Variants in PPP6C observed in about 807,000 individuals in gnomAD.
The protein encoded by PPP6C is serine/threonine-protein phosphatase 6 catalytic subunit.
A neutral mutation model predicts 39.8 loss-of-function variants in PPP6C; 11 were observed. The ratio of observed to expected loss-of-function variants is 0.28; its 90% CI spans 0.17 to 0.46. The LOEUF (loss-of-function observed/expected upper bound fraction) is 0.46, where lower values mean the gene tolerates loss of function less well. PPP6C is among the 20% of genes least tolerant of loss of function. The probability of loss-of-function intolerance (pLI) is 1.00; values close to 1 mark genes in which losing one functional copy is unlikely to be tolerated. For missense variants in PPP6C, 211 were observed against 373.9 expected, an observed-to-expected ratio of 0.56 and a Z score of 3.59; for synonymous variants, 129 against 130.3, an observed-to-expected ratio of 0.99 and a Z score of 0.07.
At position 125,175,942 on chromosome 9, in the gene PPP6C, A is replaced by C. The variant is rs149887458; in HGVS notation, c.76-4762T>G. Among the ~76,000 whole-genome samples the C allele has an allele frequency of 2.3e-3, 345 of 152,302 alleles. 1 individual carries two copies. Among genetic ancestry groups the C allele is most frequent in the African/African-American group, 6.9e-3 (286 of 41,572 alleles). On this transcript the variant is annotated intron_variant, in intron 1 of 6. Transcript: ENST00000373547. ...CAGACAATAAATAAGTAAAATATAT[A>C]ACAGTAATTTGTCACATAGTAATAT...
chr9:125,171,180 G>T lies in PPP6C; in HGVS notation c.76C>A (p.Arg26=), dbSNP rs551727025. The T allele has an allele frequency of 1.9e-6, 3 of 1,554,674 alleles. No individual in the cohort carries two copies. Among genetic ancestry groups the T allele is most frequent in the East Asian group, 2.3e-5 (1 of 43,946 alleles). ...CKYLPENDLK[R]LCDYVCDLLL... is the part of the protein sequence containing the mutation. ...AGGTCACAAACGTAGTCACATAGCC[G>T]CTATAAAAAGAGAAAATAAAAGGTA... The change falls in exon 2 of 7, where the codon CGG becomes AGG. Residue 26 remains arginine (R), a splice_region_variant and synonymous_variant. Coordinates refer to ENST00000373547, the MANE Select transcript of PPP6C (RefSeq NM_002721.5).
chr9:125,185,441 C>T (rs1032359881), intron 1 of PPP6C, among the ~76,000 whole-genome samples: 1 of 152,024 alleles, frequency 6.6e-6, no homozygotes, highest in Non-Finnish European at 1.5e-5. Flanking sequence ...CGCCTGTAAT[C>T]CCAGCACTTT....
At chr9:125,166,858 A>G (rs1350502519) in intron 2 of PPP6C, among the ~76,000 whole-genome samples, 2 of 151,906 alleles carry the variant, frequency 1.3e-5, no homozygotes, top group Non-Finnish European at 2.9e-5. Flanking sequence ...TTCAGCATGC[A>G]GTAGATATGC....
intron 6 of PPP6C, chr9:125,150,509 G>A (rs965063774): frequency 4.7e-6 from 2 of 422,630 alleles, no homozygotes; most frequent in Non-Finnish European, 9.2e-6. Flanking sequence ...ACAGTTGAAA[G>A]TTCAAAGTAC....
intron 2 of PPP6C, among the ~76,000 whole-genome samples, chr9:125,166,876 A>G (rs1829025960): frequency 6.6e-6 from 1 of 151,740 alleles, no homozygotes; most frequent in South Asian, 2.1e-4. Flanking sequence ...TGCTTTATGC[A>G]TACTTCCCAT....
At chr9:125,154,261 T>G (rs1441368051) in intron 4 of PPP6C, among the ~76,000 whole-genome samples, 5 of 152,354 alleles carry the variant, frequency 3.3e-5, no homozygotes, top group African/African-American at 1.2e-4. Flanking sequence ...TCGGATGTCC[T>G]TACATAAACC....
chr9:125,172,194 A>G (rs979243093), intron 1 of PPP6C, among the ~76,000 whole-genome samples: 3 of 152,178 alleles, frequency 2.0e-5, no homozygotes, highest in Non-Finnish European at 2.9e-5. Flanking sequence ...TATATACTGT[A>G]TAATTCCATT....
chr9:125,157,643 A>G (rs1317833104), intron 4 of PPP6C, among the ~76,000 whole-genome samples: 3 of 151,154 alleles, frequency 2.0e-5, no homozygotes, highest in Non-Finnish European at 4.4e-5. Context: ...CCACTCCAAA[A>G]TATTTTGATT....
intron 1 of PPP6C, chr9:125,188,838 G>GA (rs1363871140): frequency 3.0e-6 from 2 of 661,584 alleles, no homozygotes; most frequent in Non-Finnish European, 4.4e-6. Flanking sequence ...TTTTAAAAAA[G>GA]AAAAGCAGTA....
chr9:125,177,510 A>G (rs1829327767), intron 1 of PPP6C, among the ~76,000 whole-genome samples: 1 of 152,176 alleles, frequency 6.6e-6, no homozygotes, highest in African/African-American at 2.4e-5. Context: ...CGCCCTCAGC[A>G]ATATAGAGAG....
At chr9:125,165,778 A>G (rs991268002) in intron 2 of PPP6C, among the ~76,000 whole-genome samples, 12 of 149,398 alleles carry the variant, frequency 8.0e-5, no homozygotes, top group African/African-American at 3.0e-4. Context: ...ATCTGAAACC[A>G]TAACAGTAAT....
intron 1 of PPP6C, among the ~76,000 whole-genome samples, chr9:125,173,228 T>C (rs1024785019): frequency 1.3e-5 from 2 of 151,822 alleles, no homozygotes; most frequent in African/African-American, 4.8e-5. Context: ...CTGGCCAACG[T>C]AGTGAAACCC....
In PPP6C at chr9:125,189,579, G is replaced by A. The variant is rs369770607; in HGVS notation, c.75+65C>T. 2.9e-5 allele frequency: 47 copies of A among 1,607,084 alleles called. No homozygotes were observed. Among genetic ancestry groups the A allele is most frequent in the East Asian group, 2.0e-4 (9 of 44,676 alleles). On this transcript the variant is annotated intron_variant, in intron 1 of 6. Coordinates refer to ENST00000373547, the MANE Select transcript of PPP6C (RefSeq NM_002721.5). ...CTGGATACCCGGCGGGGGTCCTGGA[G>A]AAAGGAAGGGCCGGCCGGCGGGCGC...
At chr9:125,167,960 T>G (rs905645094) in intron 2 of PPP6C, among the ~76,000 whole-genome samples, 4 of 151,976 alleles carry the variant, frequency 2.6e-5, no homozygotes, top group African/African-American at 9.7e-5. Context: ...CAGCCAGACT[T>G]TTCAAATAAT....
intron 1 of PPP6C, among the ~76,000 whole-genome samples, chr9:125,185,092 T>C (rs943875247): frequency 1.3e-5 from 2 of 152,012 alleles, no homozygotes; most frequent in African/African-American, 4.8e-5. Flanking sequence ...AATATAAGTA[T>C]TCAGTAAACC....
At chr9:125,154,891 C>T (rs2131301446) in intron 4 of PPP6C, among the ~76,000 whole-genome samples, 1 of 152,300 alleles carries the variant, frequency 6.6e-6, no homozygotes, top group East Asian at 1.9e-4. Flanking sequence ...TTTCTGCTGC[C>T]TACGTAGTTT....
chr9:125,188,309 C>A (rs1013724693), intron 1 of PPP6C, among the ~76,000 whole-genome samples: 1 of 151,924 alleles, frequency 6.6e-6, no homozygotes, highest in African/African-American at 2.4e-5. Flanking sequence ...GGCGTGAACC[C>A]GGGAGGCGGA....
chr9:125,146,604 T>A lies in PPP6C; in HGVS notation c.*3069A>T, dbSNP rs1366327067. 2.0e-5 allele frequency: 3 copies of A among 152,172 alleles called. No individual in the cohort carries two copies. The highest frequency in any genetic ancestry group is 4.4e-5 in the Non-Finnish European group (3 of 68,034). 9.4% of individuals were successfully genotyped at this position (152,172 alleles called of 1,614,324 possible). ...AATAAGCATTTTTTAATTTCTTATATAAAATGCTAACTTCTTGTCAGGACA... is the reference window on the plus strand; with the variant it reads ...AATAAGCATTTTTTAATTTCTTATAAAAAATGCTAACTTCTTGTCAGGACA... On this transcript the variant is annotated 3_prime_UTR_variant, in exon 7 of 7. Coordinates refer to ENST00000373547, the MANE Select transcript of PPP6C (RefSeq NM_002721.5).
intron 1 of PPP6C, chr9:125,188,799 TA>T: frequency 3.3e-6 from 1 of 303,062 alleles, no homozygotes. Context: ...AAAACAATAA[TA>T]ATAATAATAA....
Sources: gnomAD v4.1 joint callset for allele counts (sites outside exome capture counted in the v4.1 genomes callset) on GRCh38, gnomAD v4.1.1 for gene constraint, MANE v1.5 for transcripts, NCBI Gene and HGNC (gene_info 2026-07-23, HGNC 2026-07-21) for gene names.